The following NPL variants were observed in gnomAD, a reference collection of about 807,000 sequenced individuals.
NPL encodes N-acetylneuraminate pyruvate lyase, also known as N-acetylneuraminate lyase.
In NPL, 32 loss-of-function variants were observed where a neutral mutation model predicts 41.1. The observed-to-expected ratio is 0.78, with a 90% CI of 0.59 to 1.05. The LOEUF is 1.05. NPL is among the 50% of genes least tolerant of loss of function. The pLI, the probability that NPL is intolerant of heterozygous loss-of-function variation, is 0.00. For missense variants in NPL, 321 were observed against 378.4 expected (o/e 0.85, Z 1.26); for synonymous variants, 128 against 134.9 (o/e 0.95, Z 0.35).
intron 4 of NPL, among the ~76,000 whole-genome samples, chr1:182,804,690 C>T (rs1557943993): frequency 6.6e-6 from 1 of 152,204 alleles, no homozygotes; most frequent in Non-Finnish European, 1.5e-5. Flanking sequence ...GAGAACACTA[C>T]ACCTTGGTCC....
At chr1:182,814,209 A>C (rs1214727849) in intron 6 of NPL, among the ~76,000 whole-genome samples, 1 of 152,204 alleles carries the variant, frequency 6.6e-6, no homozygotes, top group Non-Finnish European at 1.5e-5. Flanking sequence ...ACTGCCTTAG[A>C]ACCTGGTAGG....
chr1:182,822,452 T>C (rs983780490), intron 11 of NPL, among the ~76,000 whole-genome samples: 1 of 152,256 alleles, frequency 6.6e-6, no homozygotes, highest in Admixed American at 6.5e-5. Context: ...GATCTTATTT[T>C]TACTCTATCT....
At position 182,796,763 on chromosome 1, in the gene NPL, A is replaced by G. The variant is rs190629567; in HGVS notation, c.68+2324A>G. ...CTTTTGAGAGCTCTCTCGGCCGGGC[A>G]CGGTGGCTCATGCCTGTGATCCTAG... On this transcript the variant is annotated intron_variant, in intron 3 of 12. Coordinates refer to ENST00000367553, the MANE Select transcript of NPL (RefSeq NM_030769.3). Among the ~76,000 whole-genome samples the G allele has an allele frequency of 2.1e-4, 32 of 152,228 alleles. 1 individual carries two copies. The highest frequency in any genetic ancestry group is 2.0e-3 in the Admixed American group (31 of 15,302).
intron 3 of NPL, among the ~76,000 whole-genome samples, chr1:182,801,616 A>G (rs1179585756): frequency 6.6e-6 from 1 of 152,076 alleles, no homozygotes; most frequent in Non-Finnish European, 1.5e-5. Flanking sequence ...TTGGGAGGCT[A>G]AGGCAGGAGG....
At chr1:182,813,638 G>A (rs192715569) in intron 6 of NPL, among the ~76,000 whole-genome samples, 1 of 152,262 alleles carries the variant, frequency 6.6e-6, no homozygotes, top group East Asian at 1.9e-4. Flanking sequence ...CTGAACACCC[G>A]AATAGTATAG....
intron 2 of NPL, among the ~76,000 whole-genome samples, chr1:182,792,590 A>G (rs1666546853): frequency 6.6e-6 from 1 of 152,206 alleles, no homozygotes; most frequent in Non-Finnish European, 1.5e-5. Context: ...GCCACATCTT[A>G]TGATTTATTA....
intron 7 of NPL, among the ~76,000 whole-genome samples, chr1:182,815,080 G>C (rs1162696119): frequency 6.6e-6 from 1 of 152,142 alleles, no homozygotes; most frequent in African/African-American, 2.4e-5. Flanking sequence ...ATCTGATTGG[G>C]TCATCCACTG....
chr1:182,809,859 C>G (rs1447865457), intron 5 of NPL: 1 of 152,240 alleles, frequency 6.6e-6, no homozygotes, highest in Non-Finnish European at 1.5e-5. Flanking sequence ...CTGTGCCTAG[C>G]AGCCCAGGAG....
At chr1:182,797,010 G>A (rs1666689348) in intron 3 of NPL, among the ~76,000 whole-genome samples, 1 of 148,754 alleles carries the variant, frequency 6.7e-6, no homozygotes, top group African/African-American at 2.5e-5. Flanking sequence ...ACTCTACCCT[G>A]GGCAACAGAG....
At position 182,829,882 on chromosome 1, in the gene NPL, G is replaced by A; in HGVS notation, c.*974G>A. On this transcript the variant is annotated 3_prime_UTR_variant, in exon 13 of 13. Transcript: ENST00000367553. ...TTTTACTCTTTTCTTTCTGTGTAAT[G>A]TATCAACAACTGTTTAATCTCCCTT... is the stretch of plus-strand genomic sequence containing the variant. 1 of 493,860 alleles carries A rather than the reference G, an allele frequency of 2.0e-6. No homozygotes were observed. The highest frequency in any genetic ancestry group is 3.4e-5 in the Admixed American group (1 of 29,226). The allele number at this position is 493,860 out of a possible 1,614,324, so 30.6% of individuals were successfully genotyped here. A position where few individuals can be genotyped will look rare whatever the true frequency, so the allele number is the denominator to read the frequency against.
At chr1:182,812,314 C>A in intron 6 of NPL, 101 bp downstream of exon 6, 1 of 1,031,230 alleles carries the variant, frequency 9.7e-7, no homozygotes, top group Non-Finnish European at 1.5e-6. Context: ...AGATGGTGTG[C>A]CTGAAGAAAT....
At chr1:182,801,096 C>T (rs1666834711) in intron 3 of NPL, among the ~76,000 whole-genome samples, 5 of 152,062 alleles carry the variant, frequency 3.3e-5, no homozygotes, top group Admixed American at 2.0e-4. Flanking sequence ...AATACAATAT[C>T]GTCAAAGTCA....
chr1:182,828,160 A>G lies in NPL; in HGVS notation c.779-564A>G, dbSNP rs575631014. Among the ~76,000 whole-genome samples, 1 of 152,234 alleles carries G rather than the reference A, an allele frequency of 6.6e-6. No individual in the cohort carries two copies. ...ACAGAAGGCTGACTACCAGTTTTAC[A>G]TAGGTAGTTTAATTCCAGCTTCTCA... On this transcript the variant is annotated intron_variant, in intron 12 of 12. Coordinates refer to ENST00000367553, the MANE Select transcript of NPL (RefSeq NM_030769.3). This position sits in a 1 kb window ranked among gnomAD's most constrained non-coding sequence, Gnocchi z 4.0.
intron 12 of NPL, 195 bp downstream of exon 12, chr1:182,826,015 CCTT>C (rs1449856044): frequency 1.7e-5 from 11 of 638,530 alleles, no homozygotes; most frequent in Non-Finnish European, 3.1e-5. Context: ...TCTTTGGCAA[CCTT>C]CTCCATTTTA....
At chr1:182,796,525 G>A (rs1666672127) in intron 3 of NPL, among the ~76,000 whole-genome samples, 1 of 152,166 alleles carries the variant, frequency 6.6e-6, no homozygotes, top group Non-Finnish European at 1.5e-5. Flanking sequence ...AATTCTGAGT[G>A]GCTGAACAAG....
At chr1:182,804,778 T>G (rs946489351) in intron 4 of NPL, among the ~76,000 whole-genome samples, 11 of 152,060 alleles carry the variant, frequency 7.2e-5, no homozygotes, top group Admixed American at 5.9e-4. Context: ...GATTAAAACT[T>G]GTGTGGAAAA....
At chr1:182,804,246 A>G (rs915885942) in intron 4 of NPL, among the ~76,000 whole-genome samples, 1 of 152,152 alleles carries the variant, frequency 6.6e-6, no homozygotes, top group Non-Finnish European at 1.5e-5. Flanking sequence ...CTCCTGCCTC[A>G]GCCTCCTGGG....
chr1:182,799,229 G>T (rs1666763962), intron 3 of NPL, among the ~76,000 whole-genome samples: 1 of 152,152 alleles, frequency 6.6e-6, no homozygotes, highest in Non-Finnish European at 1.5e-5. Flanking sequence ...GTGGCAAAAA[G>T]AACAGAAGAC....
In NPL at chr1:182,799,156, G is replaced by A. The variant is rs551058945; in HGVS notation, c.69-4542G>A. On this transcript the variant is annotated intron_variant, in intron 3 of 12. Transcript: ENST00000367553. ...GGAAAAATTCTATTACCCTTTTACC[G>A]TAAGAGAAGAGTTGTAGAGTCTACC... is the stretch of plus-strand genomic sequence containing the variant. Among the ~76,000 whole-genome samples, 99 of 152,290 alleles carry A rather than the reference G, an allele frequency of 6.5e-4. 1 individual carries two copies. Among genetic ancestry groups the A allele is most frequent in the African/African-American group, 2.1e-3 (88 of 41,558 alleles).
Sources: gnomAD v4.1 joint callset for allele counts (sites outside exome capture counted in the v4.1 genomes callset) on GRCh38, gnomAD v4.1.1 for gene constraint, Gnocchi (gnomAD v3.1) non-coding constraint, MANE v1.5 for transcripts, NCBI Gene and HGNC (gene_info 2026-07-23, HGNC 2026-07-21) for gene names.